DLC1: variants seen among roughly 807,000 people sequenced by gnomAD.
DLC1 encodes the protein DLC1 Rho GTPase activating protein, also known as rho GTPase-activating protein 7.
Under a neutral mutation model 140.3 loss-of-function variants are expected in DLC1, and 54 were observed. That is an observed-to-expected ratio of 0.38 (90% CI 0.31 to 0.48). The LOEUF (loss-of-function observed/expected upper bound fraction) is 0.48. Ranked by LOEUF, DLC1 falls within the 20% of genes least tolerant of loss-of-function variation. The pLI, the probability that DLC1 is intolerant of heterozygous loss-of-function variation, is 0.96. For synonymous variants in DLC1, 986 were observed against 728.1 expected (o/e 1.35, Z -5.70); for missense variants, 2,536 against 1,907.0 (o/e 1.33, Z -6.14).
Position 13,281,310 on chromosome 8 carries a change from C to T in DLC1, c.1348+23959G>A, listed in dbSNP as rs114298590. On this transcript the variant is annotated intron_variant, in intron 5 of 17. Coordinates refer to ENST00000276297, the MANE Select transcript of DLC1 (RefSeq NM_182643.3). The stretch of plus-strand genomic sequence containing the variant: ...GATAAACTCTATGAAATGTTCTTGA[C>T]CAAAGGGTCAAATCAAGGTGGCTTG... Among the ~76,000 whole-genome samples, 790 of 152,222 alleles carry T rather than the reference C, an allele frequency of 5.2e-3. 11 individuals are homozygous for T. The highest frequency in any genetic ancestry group is 0.018 in the African/African-American group (761 of 41,546).
At chr8:13,469,199 C>T (rs942358425) in intron 2 of DLC1, among the ~76,000 whole-genome samples, 1 of 152,092 alleles carries the variant, frequency 6.6e-6, no homozygotes, top group Admixed American at 6.6e-5. Flanking sequence ...TATATCATTC[C>T]TTTTCTAGCT....
intron 4 of DLC1, among the ~76,000 whole-genome samples, chr8:13,311,749 T>C (rs138419714): frequency 5.9e-4 from 90 of 152,306 alleles, no homozygotes; most frequent in Non-Finnish European, 9.1e-4. Flanking sequence ...AGTTAATTCT[T>C]AAGAGATATT....
intron 5 of DLC1, among the ~76,000 whole-genome samples, chr8:13,159,751 C>G (rs1470287606): frequency 2.0e-5 from 3 of 151,494 alleles, no homozygotes; most frequent in Non-Finnish European, 4.4e-5. Flanking sequence ...TTAGTTGGTG[C>G]TTGTTCCTGG....
intron 2 of DLC1, among the ~76,000 whole-genome samples, chr8:13,453,475 T>TATATATGTATATATATATACATATAC (rs1563360398): frequency 2.6e-5 from 1 of 38,342 alleles, no homozygotes; most frequent in African/African-American, 1.3e-4. Context: ...TATATACATA[T>TATATATGTATATATATATACATATAC]ATATGTATAT....
At chr8:13,099,278 G>A in intron 9 of DLC1, 69 bp downstream of exon 9, 1 of 1,536,928 alleles carries the variant, frequency 6.5e-7, no homozygotes, top group Non-Finnish European at 8.7e-7. Context: ...TCTTCCCACA[G>A]AACAAGCACA....
At chr8:13,357,272 C>G (rs1490417690) in intron 4 of DLC1, among the ~76,000 whole-genome samples, 12 of 151,836 alleles carry the variant, frequency 7.9e-5, no homozygotes, top group Non-Finnish European at 1.8e-4. Context: ...GTCTGTCAAA[C>G]TGAAAGAAAA....
At chr8:13,321,005 C>T (rs1833081406) in intron 4 of DLC1, among the ~76,000 whole-genome samples, 1 of 152,104 alleles carries the variant, frequency 6.6e-6, no homozygotes, top group African/African-American at 2.4e-5. Flanking sequence ...ATGCAGATGC[C>T]AGCACCATGC....
chr8:13,567,831 G>C (rs1804505983), intron 1 of DLC1: 1 of 1,551,724 alleles, frequency 6.4e-7, no homozygotes, highest in African/African-American at 1.4e-5. Flanking sequence ...AAAGATCAGA[G>C]ACAGAGCAGA....
chr8:13,570,931 T>C (rs13251050), intron 1 of DLC1, among the ~76,000 whole-genome samples: 52,992 of 151,968 alleles, frequency 0.35, 9,658 homozygotes, highest in Non-Finnish European at 0.41. Flanking sequence ...CTTTACTTGC[T>C]GGGCCATGGT....
At chr8:13,320,952 C>T (rs1037114051) in intron 4 of DLC1, among the ~76,000 whole-genome samples, 3 of 152,192 alleles carry the variant, frequency 2.0e-5, no homozygotes, top group African/African-American at 7.2e-5. Flanking sequence ...ACCAGCTCCC[C>T]TTCCCTTCTG....
chr8:13,448,179 C>T (rs1798872946), intron 2 of DLC1, among the ~76,000 whole-genome samples: 1 of 152,026 alleles, frequency 6.6e-6, no homozygotes, highest in Admixed American at 6.6e-5. Context: ...TGACTCACTG[C>T]CATTTGTTCT....
intron 2 of DLC1, among the ~76,000 whole-genome samples, chr8:13,407,195 T>A (rs1340784935): frequency 6.6e-6 from 1 of 152,218 alleles, no homozygotes; most frequent in Non-Finnish European, 1.5e-5. Flanking sequence ...CTAATTTACT[T>A]GGAAGAGCTA....
chr8:13,568,157 G>A (rs781400973), intron 1 of DLC1: 27 of 557,368 alleles, frequency 4.8e-5, no homozygotes, highest in Non-Finnish European at 6.8e-5. Flanking sequence ...TATGTTGGTA[G>A]TTTGGGCCAG....
In DLC1 at chr8:13,099,848, G is replaced by A. The variant is rs781330249; in HGVS notation, c.2489C>T (p.Ser830Leu). Residue 830 changes from serine (S) to leucine (L), a missense_variant, in exon 9 of 18, where the codon TCG becomes TTG. Physicochemically the swap from Ser to Leu is moderately radical, Grantham distance 145. Coordinates refer to ENST00000276297, the MANE Select transcript of DLC1 (RefSeq NM_182643.3). ...CCAGTTCACAGAGCCGTTATTCCCC[G>A]AGGGGGAGAAACTGCCATTGGTGAG... Reference protein sequence around the residue: ...KALTNGSFSPSGNNGSVNWRT... With the variant: ...KALTNGSFSPLGNNGSVNWRT... 4 of 1,614,166 alleles carry A rather than the reference G, an allele frequency of 2.5e-6. No homozygotes were observed. The highest frequency in any genetic ancestry group is 3.3e-5 in the Admixed American group (2 of 60,020).
At chr8:13,086,585 G>T in intron 16 of DLC1, 122 bp from the exon 17 acceptor site, 1 of 1,101,144 alleles carries the variant, frequency 9.1e-7, no homozygotes, top group Non-Finnish European at 1.3e-6. Context: ...CATGCTGTGT[G>T]ACCCAGGCCT....
intron 5 of DLC1, among the ~76,000 whole-genome samples, chr8:13,188,818 T>C (rs1225931221): frequency 0.013 from 862 of 64,132 alleles, 13 homozygotes; most frequent in East Asian, 0.053. Context: ...TATATATATA[T>C]ATATATATGT....
In DLC1 at chr8:13,499,408, C is replaced by A; in HGVS notation, c.664G>T (p.Glu222Ter). Residue 222 changes from glutamate (E) to a stop codon, truncating the protein, a stop_gained, in exon 2 of 18, where the codon GAG (glutamate) becomes TAG (stop). Coordinates refer to ENST00000276297, the MANE Select transcript of DLC1 (RefSeq NM_182643.3). LOFTEE classifies it high-confidence loss of function. The part of the protein sequence containing the change: ...DTLNVKDIAP[E>*]KQLLNSAVIA... The stretch of plus-strand genomic sequence containing the variant: ...ACAGCAGAGTTAAGCAATTGTTTCT[C>A]AGGTGCAATATCTTTCACGTTCAAA... The A allele has an allele frequency of 1.2e-6, 2 of 1,613,740 alleles. No homozygotes were observed. Among genetic ancestry groups the A allele is most frequent in the Non-Finnish European group, 1.7e-6 (2 of 1,179,936 alleles).
chr8:13,161,847 A>T (rs992192250), intron 5 of DLC1, among the ~76,000 whole-genome samples: 1 of 152,178 alleles, frequency 6.6e-6, no homozygotes, highest in Non-Finnish European at 1.5e-5. Context: ...TTCTTGTTAA[A>T]AGGGCCATAA....
At chr8:13,486,471 A>G (rs754999161) in intron 2 of DLC1, among the ~76,000 whole-genome samples, 7 of 152,066 alleles carry the variant, frequency 4.6e-5, no homozygotes, top group Admixed American at 1.3e-4. Context: ...CTTTCTGATT[A>G]CTTTTAAATT....
Sources: allele counts gnomAD v4.1 joint callset (sites outside exome capture counted in the v4.1 genomes callset), GRCh38; gene constraint gnomAD v4.1.1; transcripts MANE v1.5; gene names NCBI Gene and HGNC (gene_info 2026-07-23, HGNC 2026-07-21).